TMEM132D: variants seen among roughly 807,000 people sequenced by gnomAD.
The protein encoded by TMEM132D is mature OL transmembrane protein.
Under a neutral mutation model 62.3 loss-of-function variants are expected in TMEM132D, and 21 were observed. That is an observed-to-expected ratio of 0.34 (90% CI 0.24 to 0.49). TMEM132D has a LOEUF of 0.49. TMEM132D is among the 20% of genes least tolerant of loss of function. TMEM132D has a pLI of 0.99. For missense variants in TMEM132D, 1,346 were observed against 1,402.8 expected (o/e 0.96, Z 0.65); for synonymous variants, 621 against 575.6 (o/e 1.08, Z -1.13).
chr12:129,548,716 G>C (rs1452431584), intron 2 of TMEM132D, among the ~76,000 whole-genome samples: 4 of 152,240 alleles, frequency 2.6e-5, no homozygotes, highest in Admixed American at 1.3e-4. Context: ...AACATCAAGG[G>C]GGGGTGAGGA....
chr12:129,524,986 C>T (rs1308568646), intron 3 of TMEM132D, among the ~76,000 whole-genome samples: 101 of 117,296 alleles, frequency 8.6e-4, no homozygotes, highest in Non-Finnish European at 1.1e-3. Context: ...AGTGCAGTGG[C>T]GCGATCTTGG....
At chr12:129,719,082 T>A (rs1484504590) in intron 1 of TMEM132D, among the ~76,000 whole-genome samples, 108 of 26,566 alleles carry the variant, frequency 4.1e-3, no homozygotes, top group Middle Eastern at 0.04. Context: ...ACAAAAAAAA[T>A]GAAAAAAAAA....
chr12:129,540,439 A>G (rs1017353909), intron 2 of TMEM132D, among the ~76,000 whole-genome samples: 5 of 152,128 alleles, frequency 3.3e-5, no homozygotes, highest in Non-Finnish European at 5.9e-5. Flanking sequence ...AGAGTAAATC[A>G]ATCTGCCTCT....
At chr12:129,889,555 C>T (rs1454070124) in intron 1 of TMEM132D, among the ~76,000 whole-genome samples, 1 of 152,214 alleles carries the variant, frequency 6.6e-6, no homozygotes, top group East Asian at 1.9e-4. Context: ...ATTTCCTCTT[C>T]ACCTGCTACT....
At chr12:129,843,576 C>A (rs1296337332) in intron 1 of TMEM132D, among the ~76,000 whole-genome samples, 4 of 152,084 alleles carry the variant, frequency 2.6e-5, no homozygotes, top group Non-Finnish European at 5.9e-5. Flanking sequence ...CAAAAATAAG[C>A]AAACAATCTC....
At chr12:129,208,914 T>G (rs1878939343) in intron 5 of TMEM132D, 1 of 152,210 alleles carries the variant, frequency 6.6e-6, no homozygotes, top group South Asian at 2.1e-4. Flanking sequence ...TGATTTCAAT[T>G]TAAGAAGAGA....
intron 3 of TMEM132D, among the ~76,000 whole-genome samples, chr12:129,480,818 T>C (rs1593030599): frequency 6.6e-6 from 1 of 152,206 alleles, no homozygotes; most frequent in Admixed American, 6.5e-5. Context: ...GTGTCCCCTA[T>C]GGCCCCGCAA....
At chr12:129,888,125 T>C (rs556594283) in intron 1 of TMEM132D, among the ~76,000 whole-genome samples, 46 of 152,380 alleles carry the variant, frequency 3.0e-4, no homozygotes, top group African/African-American at 1.1e-3. Flanking sequence ...CAAGCAATTG[T>C]GTGTTTTGAT....
chr12:129,764,554 G>A (rs761549852), intron 1 of TMEM132D, among the ~76,000 whole-genome samples: 12 of 150,644 alleles, frequency 8.0e-5, no homozygotes, highest in African/African-American at 1.7e-4. Context: ...ATGCTATTAC[G>A]TGTGTGTGCA....
chr12:129,624,189 G>A (rs265626), intron 2 of TMEM132D, among the ~76,000 whole-genome samples: 3,038 of 152,228 alleles, frequency 0.02, 115 homozygotes, highest in African/African-American at 0.07. Context: ...ATCACTTGAC[G>A]AATACATAAG....
intron 2 of TMEM132D, among the ~76,000 whole-genome samples, chr12:129,569,355 A>G (rs1376062394): frequency 6.6e-6 from 1 of 151,130 alleles, no homozygotes; most frequent in Non-Finnish European, 1.5e-5. Context: ...TTGCACAGGT[A>G]CAAAAAAAAT....
In TMEM132D at chr12:129,903,451, G is replaced by T; in HGVS notation, c.-112C>A. 1 of 1,193,380 alleles carries T rather than the reference G, an allele frequency of 8.4e-7. No individual in the cohort carries two copies. Among genetic ancestry groups the T allele is most frequent in the Non-Finnish European group, 1.2e-6 (1 of 839,294 alleles). 73.9% of individuals were successfully genotyped at this position (1,193,380 alleles called of 1,614,324 possible). On this transcript the variant is annotated 5_prime_UTR_variant, in exon 1 of 9. Transcript: ENST00000422113. The surrounding 1 kb of genome is among the most constrained non-coding windows in gnomAD (Gnocchi z 6.2). ...GGGGCCGGTGGCGAGGGAGCGCCCG[G>T]CTAGGGGCCCGAGCAGCCCGGGCGC...
chr12:129,897,063 C>T (rs749570312), intron 1 of TMEM132D, among the ~76,000 whole-genome samples: 2 of 152,190 alleles, frequency 1.3e-5, no homozygotes, highest in African/African-American at 2.4e-5. Context: ...GTGACGGAAG[C>T]ACCTAGCCTC....
rs1593166584 is a variant in TMEM132D at position 129,799,953 on chromosome 12, T to C, written c.80-99255A>G. Among the ~76,000 whole-genome samples the C allele has an allele frequency of 3.3e-5, 5 of 152,244 alleles. 1 individual carries two copies. The highest frequency in any genetic ancestry group is 3.3e-4 in the Admixed American group (5 of 15,292). On this transcript the variant is annotated intron_variant, in intron 1 of 8. Transcript: ENST00000422113. ...TGCCAAAACTCATCCCATCCTGAGA[T>C]GGTGGCACAGAAATACTTGGGTCAC...
At chr12:129,340,809 A>G (rs7304924) in intron 3 of TMEM132D, among the ~76,000 whole-genome samples, 2,267 of 152,298 alleles carry the variant, frequency 0.015, 51 homozygotes, top group African/African-American at 0.052. Flanking sequence ...TTGCGGCACT[A>G]TTCACAATAG....
chr12:129,400,997 G>T (rs1401420894), intron 3 of TMEM132D, among the ~76,000 whole-genome samples: 3 of 152,118 alleles, frequency 2.0e-5, no homozygotes, highest in African/African-American at 7.2e-5. Context: ...GGAGTGAGGG[G>T]CTGTGAGACT....
chr12:129,398,253 C>G (rs1179358196), intron 3 of TMEM132D, among the ~76,000 whole-genome samples: 1 of 152,120 alleles, frequency 6.6e-6, no homozygotes, highest in Non-Finnish European at 1.5e-5. Flanking sequence ...TCAGTGATAC[C>G]ATCATCTTTC....
At chr12:129,273,783 G>A (rs1880926163) in intron 4 of TMEM132D, among the ~76,000 whole-genome samples, 1 of 151,750 alleles carries the variant, frequency 6.6e-6, no homozygotes, top group East Asian at 1.9e-4. Context: ...GAGGTAGGGA[G>A]GAAAAAACTG....
chr12:129,300,830 T>C (rs1260233482), intron 4 of TMEM132D, among the ~76,000 whole-genome samples: 1 of 152,190 alleles, frequency 6.6e-6, no homozygotes. Flanking sequence ...AGAAATATTG[T>C]GTCAAATGTA....
Sources: allele counts gnomAD v4.1 joint callset (sites outside exome capture counted in the v4.1 genomes callset), GRCh38; gene constraint gnomAD v4.1.1; non-coding constraint Gnocchi (gnomAD v3.1); transcripts MANE v1.5; gene names NCBI Gene and HGNC (gene_info 2026-07-23, HGNC 2026-07-21).